MACF1: variants seen among roughly 807,000 people sequenced by gnomAD.
MACF1 encodes the protein microtubule actin crosslinking factor 1, also known as microtubule-actin cross-linking factor 1.
A neutral mutation model predicts 854.8 loss-of-function variants in MACF1; 193 were observed. That is an observed-to-expected ratio of 0.23 (90% CI 0.20 to 0.25). The LOEUF is 0.25. MACF1 is among the 10% of genes least tolerant of loss of function. The pLI is 1.00. For missense variants in MACF1, 7,722 were observed against 8,929.1 expected, an observed-to-expected ratio of 0.86 and a Z score of 5.45; for synonymous variants, 3,185 against 3,226.7, an observed-to-expected ratio of 0.99 and a Z score of 0.44.
chr1:39,202,596 C>G (rs1404594162), upstream of MACF1, among the ~76,000 whole-genome samples: 1 of 151,728 alleles, frequency 6.6e-6, no homozygotes, highest in South Asian at 2.1e-4. Context: ...GATCATGCCA[C>G]TGCACTCCAG....
intron 70 of MACF1, among the ~76,000 whole-genome samples, chr1:39,436,934 G>T (rs530062357): frequency 2.6e-5 from 4 of 152,118 alleles, no homozygotes; most frequent in African/African-American, 9.7e-5. Context: ...TTATTCCAAC[G>T]TTTTTTCTCT....
rs376321803 is a variant in MACF1, at chr1:39,430,858, A to G, written c.17287A>G (p.Ile5763Val). The change falls in exon 66 of 101, where the codon ATT becomes GTT. Residue 5763 changes from isoleucine to valine, a missense_variant. Transcript: ENST00000564288. Reference protein sequence around the residue: ...NEQYKLVSDTIGQRVDEIDAA... With the variant: ...NEQYKLVSDTVGQRVDEIDAA... ...GCAGTACAAACTAGTCAGTGACACT[A>G]TTGGACAAAGGGTGGATGAAATTGA... The G allele has an allele frequency of 3.0e-5, 48 of 1,612,582 alleles. No homozygotes were observed. In the African/African-American group the frequency reaches 3.2e-4, roughly 11 times the overall value.
chr1:39,101,386 A>ATG (rs1339345733), intron 2 of MACF1, among the ~76,000 whole-genome samples: 16 of 129,866 alleles, frequency 1.2e-4, no homozygotes, highest in South Asian at 6.8e-4. Flanking sequence ...ATATATATAT[A>ATG]TATGTGTGTG....
intron 1 of MACF1, among the ~76,000 whole-genome samples, chr1:39,213,863 C>T (rs975986200): frequency 3.9e-5 from 6 of 152,206 alleles, no homozygotes; most frequent in East Asian, 3.9e-4. Context: ...TTAGTCTAGG[C>T]GGGATAAAGT....
chr1:39,361,251 G>T, intron 48 of MACF1, 109 bp from the exon 49 acceptor site: 1 of 1,091,592 alleles, frequency 9.2e-7, no homozygotes, highest in Non-Finnish European at 1.3e-6. Context: ...TGGAGGCTCG[G>T]TTGCAGTCCT....
In MACF1 at chr1:39,332,510, T is replaced by A; in HGVS notation, c.5922T>A (p.Asn1974Lys). Residue 1974 changes from asparagine (N) to lysine (K), a missense_variant, in exon 37 of 101, where the codon AAT becomes AAA. Asn to Lys is a moderately conservative substitution (Grantham distance 94). This residue lies in a region of MACF1 where 1,531 missense variants were observed against 1,601.6 expected (regional missense o/e 0.96). Coordinates refer to ENST00000564288, the MANE Select transcript of MACF1 (RefSeq NM_001394062.1). The part of the protein sequence containing the change: ...LFQLMTHSYI[N>K]VQNGQRLLLL... ...AGCTGATGACTCACAGCTATATTAA[T>A]GTGCAAAATGGACAGAGGCTGCTTC... 1 of 1,614,098 alleles carries A rather than the reference T, an allele frequency of 6.2e-7. No individual in the cohort carries two copies. The highest frequency in any genetic ancestry group is 8.5e-7 in the Non-Finnish European group (1 of 1,180,026).
chr1:39,412,714 G>T (rs369018242), intron 58 of MACF1: 10 of 1,613,814 alleles, frequency 6.2e-6, no homozygotes, highest in Non-Finnish European at 8.5e-6. Context: ...AGTTACCAAG[G>T]CTGGTAATAC....
intron 58 of MACF1, among the ~76,000 whole-genome samples, chr1:39,388,872 CTTTTTT>C (rs548104092): frequency 2.3e-5 from 2 of 87,242 alleles, no homozygotes; most frequent in Non-Finnish European, 4.2e-5. Flanking sequence ...TCTTCTTCTT[CTTTTTT>C]TTTTTTTTTT....
At chr1:39,359,986 CAAAAAAAAAA>C (rs1178910336) in intron 47 of MACF1, among the ~76,000 whole-genome samples, 8 of 11,746 alleles carry the variant, frequency 6.8e-4, no homozygotes, top group African/African-American at 2.6e-3. Flanking sequence ...GACTCCGTCT[CAAAAAAAAAA>C]AAAAAAAAAA....
At chr1:39,440,415 CT>C (rs1449252543) in intron 72 of MACF1, among the ~76,000 whole-genome samples, 1 of 152,058 alleles carries the variant, frequency 6.6e-6, no homozygotes, top group Admixed American at 6.6e-5. Flanking sequence ...CCAGGAGTCT[CT>C]TTTTTACCAA....
At chr1:39,098,188 A>C (rs1454438049) in intron 2 of MACF1, among the ~76,000 whole-genome samples, 2 of 152,262 alleles carry the variant, frequency 1.3e-5, no homozygotes, top group Non-Finnish European at 2.9e-5. Context: ...GCTGGGAGAC[A>C]GCAGAGGGGC....
intron 84 of MACF1, among the ~76,000 whole-genome samples, chr1:39,450,602 C>A (rs1030339473): frequency 6.9e-6 from 1 of 145,800 alleles, no homozygotes; most frequent in Admixed American, 7.0e-5. Flanking sequence ...TCACTTTTTA[C>A]TCTATTTCTT....
At chr1:39,223,438 T>TA (rs1352405148) in intron 1 of MACF1, among the ~76,000 whole-genome samples, 2 of 152,182 alleles carry the variant, frequency 1.3e-5, no homozygotes, top group Non-Finnish European at 2.9e-5. Context: ...CTGGCTAACT[T>TA]ACAGAGTTGT....
intron 2 of MACF1, among the ~76,000 whole-genome samples, chr1:39,162,156 G>C (rs1643812321): frequency 6.6e-6 from 1 of 151,736 alleles, no homozygotes; most frequent in Non-Finnish European, 1.5e-5. Flanking sequence ...ATGAGCCACT[G>C]TGCCTGGCTA....
At chr1:39,373,476 A>AGG (rs2148542092) in intron 52 of MACF1, 1 of 102,432 alleles carries the variant, frequency 9.8e-6, no homozygotes, top group African/African-American at 2.9e-5. Flanking sequence ...ATCTCAGGAA[A>AGG]AAAAAAAAAA....
In MACF1 at chr1:39,084,363, C is replaced by A. The variant is rs758748206; in HGVS notation, c.145C>A (p.Leu49Met). The change falls in exon 2 of 94, where the codon CTG becomes ATG. Residue 49 changes from leucine (L) to methionine (M), a missense_variant. Physicochemically the swap from Leu to Met is conservative, Grantham distance 15 (BLOSUM62 2). Coordinates refer to the MACF1 transcript ENST00000361689. This position sits in a 1 kb window ranked among gnomAD's most constrained non-coding sequence, Gnocchi z 5.2. ...GGACACCTTGCCCTGGAACCTGCCACTGCATGAGCAGAAAAAGCGGAAAAG... is the reference window on the plus strand; with the variant it reads ...GGACACCTTGCCCTGGAACCTGCCAATGCATGAGCAGAAAAAGCGGAAAAG... The A allele has an allele frequency of 5.0e-6, 8 of 1,613,772 alleles. No individual in the cohort carries two copies. Among genetic ancestry groups the A allele is most frequent in the East Asian group, 4.5e-5 (2 of 44,884 alleles).
chr1:39,144,080 C>CTTT (rs1430433191), intron 2 of MACF1, among the ~76,000 whole-genome samples: 17 of 107,620 alleles, frequency 1.6e-4, no homozygotes, highest in African/African-American at 2.2e-4. Context: ...AGCCACGGCG[C>CTTT]TTTTTTTTTT....
At position 39,331,906 on chromosome 1, in the gene MACF1, G is replaced by C; in HGVS notation, c.5318G>C (p.Gly1773Ala). 4 of 1,614,138 alleles carry C rather than the reference G, an allele frequency of 2.5e-6. No homozygotes were observed. Among genetic ancestry groups the C allele is most frequent in the Non-Finnish European group, 3.4e-6 (4 of 1,180,016 alleles). Residue 1773 changes from glycine to alanine, a missense_variant, in exon 37 of 101, where the codon GGT becomes GCT. By Grantham distance (60) the Gly-to-Ala change is moderately conservative (BLOSUM62 0). Around this residue, in one of 15 missense-constraint regions of MACF1, gnomAD observed 1,531 missense variants for 1,601.6 expected, o/e 0.96. Transcript: ENST00000564288. The part of the protein sequence containing the change: ...VRLLEAQLFA[G>A]GIVDPRTGHR... ...TTGCTGGAAGCTCAGCTTTTTGCTG[G>C]TGGCATAGTAGATCCAAGAACAGGA...
At position 39,335,225 on chromosome 1, in the gene MACF1, C is replaced by T. The variant is rs1227884344; in HGVS notation, c.8637C>T (p.Gly2879=). ...ATAATCTTAAAGGTAAATCCTTGGG[C>T]CAAGTGTCATTGACACACCCTTACT... ...NPHNLKGKSL[G]QVSLTHPYSE... Residue 2879 remains glycine (G), a synonymous_variant, in exon 37 of 101, where the codon GGC becomes GGT. Coordinates refer to ENST00000564288, the MANE Select transcript of MACF1 (RefSeq NM_001394062.1). 3 of 1,613,906 alleles carry T rather than the reference C, an allele frequency of 1.9e-6. No individual in the cohort carries two copies. Among genetic ancestry groups the T allele is most frequent in the Admixed American group, 1.7e-5 (1 of 60,002 alleles).
Sources: allele counts gnomAD v4.1 joint callset (sites outside exome capture counted in the v4.1 genomes callset), GRCh38; gene constraint gnomAD v4.1.1; regional missense constraint gnomAD v4.1.1; non-coding constraint Gnocchi (gnomAD v3.1); transcripts MANE v1.5; gene names NCBI Gene and HGNC (gene_info 2026-07-23, HGNC 2026-07-21).